Variants in CRTAC1 observed in about 807,000 individuals in gnomAD.
The protein encoded by CRTAC1 is cartilage acidic protein 1.
Under a neutral mutation model 67.8 loss-of-function variants are expected in CRTAC1, and 37 were observed. The observed-to-expected ratio is 0.55, with a 90% confidence interval of 0.42 to 0.72. The LOEUF (loss-of-function observed/expected upper bound fraction) is 0.72, where lower values mean the gene tolerates loss of function less well. CRTAC1 is among the 30% of genes least tolerant of loss of function. The pLI, the probability that CRTAC1 is intolerant of heterozygous loss-of-function variation, is 0.00. For synonymous variants in CRTAC1, 348 were observed against 371.0 expected, an observed-to-expected ratio of 0.94 and a Z score of 0.71; for missense variants, 780 against 931.6, an observed-to-expected ratio of 0.84 and a Z score of 2.12.
chr10:97,922,158 C>T (rs1427711607), intron 4 of CRTAC1, among the ~76,000 whole-genome samples: 2 of 152,176 alleles, frequency 1.3e-5, no homozygotes, highest in African/African-American at 4.8e-5. Flanking sequence ...CTCCACCCCA[C>T]ACTCTGGGGC....
chr10:97,934,033 T>A (rs1039558080), intron 3 of CRTAC1, among the ~76,000 whole-genome samples: 1 of 152,152 alleles, frequency 6.6e-6, no homozygotes, highest in Non-Finnish European at 1.5e-5. Flanking sequence ...GGCTGCTGCT[T>A]CAGAGATAGA....
At chr10:97,984,037 T>C (rs1190647367) in intron 2 of CRTAC1, among the ~76,000 whole-genome samples, 1 of 152,232 alleles carries the variant, frequency 6.6e-6, no homozygotes, top group Admixed American at 6.5e-5. Context: ...TTTCAGCCCA[T>C]CCTTGGGCAA....
rs569739796 is a variant in CRTAC1 at position 98,026,643 on chromosome 10, G to A, written c.24+3806C>T. On this transcript the variant is annotated intron_variant, in intron 1 of 14. Transcript: ENST00000370597. Reference sequence around the variant, plus strand: ...CGTGATCCTGCACCTCCCTCCTCCCGCTGAAGATGAAGCTCCAACTTCATC... The same window carrying A: ...CGTGATCCTGCACCTCCCTCCTCCCACTGAAGATGAAGCTCCAACTTCATC... 7.9e-5 allele frequency among the ~76,000 whole-genome samples: 12 copies of A among 152,154 alleles called. No individual in the cohort carries two copies. In the South Asian group the frequency reaches 1.5e-3, roughly 18 times the overall value.
chr10:97,925,670 TGA>T lies in CRTAC1; in HGVS notation c.422-2272_422-2271del, dbSNP rs1412028269. Among the ~76,000 whole-genome samples, 6 of 29,758 alleles carry T rather than the reference TGA, an allele frequency of 2.0e-4. No individual in the cohort carries two copies. In the South Asian group the frequency reaches 5.8e-3, roughly 29 times the overall value. 19.5% of individuals were successfully genotyped at this position (29,758 alleles called of 152,430 possible). A position where few individuals can be genotyped will look rare whatever the true frequency, so the allele number is the denominator to read the frequency against. ...ATGAGTGTGGGCATGAGTCAGAGTG[TGA>T]GAGGGGGGTGGGTGAGAGTGAGTGT... On this transcript the variant is annotated intron_variant, in intron 3 of 14. Transcript: ENST00000370597.
At chr10:97,981,601 C>T (rs2051892900) in intron 2 of CRTAC1, among the ~76,000 whole-genome samples, 1 of 152,164 alleles carries the variant, frequency 6.6e-6, no homozygotes, top group Non-Finnish European at 1.5e-5. Context: ...AATAGCCTTG[C>T]ACATAATTTT....
chr10:97,889,455 G>T (rs1236364076), intron 11 of CRTAC1, among the ~76,000 whole-genome samples: 1 of 140,772 alleles, frequency 7.1e-6, no homozygotes, highest in African/African-American at 2.5e-5. Flanking sequence ...GAACTTGGTG[G>T]GGGGGGGTCC....
At chr10:97,960,927 T>C (rs2051514898) in intron 2 of CRTAC1, among the ~76,000 whole-genome samples, 1 of 152,248 alleles carries the variant, frequency 6.6e-6, no homozygotes, top group South Asian at 2.1e-4. Context: ...GTCCTAAAAA[T>C]GTATAAGCCA....
chr10:98,024,006 G>A (rs1426244700), intron 1 of CRTAC1, among the ~76,000 whole-genome samples: 1 of 152,234 alleles, frequency 6.6e-6, no homozygotes, highest in East Asian at 1.9e-4. Flanking sequence ...CCCTTCCTAA[G>A]AGCTGTGTTA....
intron 1 of CRTAC1, among the ~76,000 whole-genome samples, chr10:98,017,791 C>T (rs1257220239): frequency 6.6e-6 from 1 of 151,614 alleles, no homozygotes; most frequent in African/African-American, 2.4e-5. Flanking sequence ...TCCACAGTGG[C>T]CTTCCAAAGT....
chr10:98,008,203 C>A (rs1343853858), intron 2 of CRTAC1, among the ~76,000 whole-genome samples: 1 of 152,208 alleles, frequency 6.6e-6, no homozygotes, highest in African/African-American at 2.4e-5. Context: ...CTGTTCTTCG[C>A]AGCTGAAAGA....
At chr10:98,008,753 C>A (rs917795620) in intron 2 of CRTAC1, among the ~76,000 whole-genome samples, 2 of 152,140 alleles carry the variant, frequency 1.3e-5, no homozygotes, top group African/African-American at 4.8e-5. Context: ...AGTATACCAT[C>A]TTCCAAGATG....
chr10:97,974,854 C>A (rs983250674), intron 2 of CRTAC1, among the ~76,000 whole-genome samples: 5 of 152,124 alleles, frequency 3.3e-5, no homozygotes, highest in African/African-American at 1.2e-4. Context: ...AAAGAGTCTG[C>A]GAGGCTGAAT....
chr10:97,903,035 C>T (rs530177306), intron 7 of CRTAC1, among the ~76,000 whole-genome samples: 24 of 151,662 alleles, frequency 1.6e-4, no homozygotes, highest in Non-Finnish European at 2.8e-4. Context: ...CCTGAGCTTC[C>T]GAGATAATGT....
intron 2 of CRTAC1, among the ~76,000 whole-genome samples, chr10:97,992,538 C>A (rs1291673944): frequency 6.6e-6 from 1 of 152,180 alleles, no homozygotes; most frequent in Non-Finnish European, 1.5e-5. Context: ...GATATGGAAT[C>A]AACCTAAGTG....
chr10:98,023,817 G>A (rs572224759), intron 1 of CRTAC1, among the ~76,000 whole-genome samples: 56 of 152,334 alleles, frequency 3.7e-4, no homozygotes, highest in Admixed American at 1.1e-3. Context: ...AGGGAGGGAT[G>A]TCACCTCAGT....
Position 97,882,801 on chromosome 10 carries a change from T to A in CRTAC1, c.1660A>T (p.Asn554Tyr). 1.9e-6 allele frequency: 3 copies of A among 1,614,198 alleles called. No homozygotes were observed. The highest frequency in any genetic ancestry group is 2.5e-6 in the Non-Finnish European group (3 of 1,180,032). ...ECGQGFSQQE[N>Y]GHCMDTNECI... ...GGCAACTCACCCATGCAATGGCCAT[T>A]TTCCTGCTGGGAGAATCCTTGGCCA... is the stretch of plus-strand genomic sequence containing the variant. Residue 554 changes from asparagine (N) to tyrosine (Y), a missense_variant, in exon 13 of 15, where the codon AAT becomes TAT. Physicochemically the swap from Asn to Tyr is moderately radical, Grantham distance 143 (BLOSUM62 -2). Coordinates refer to ENST00000370597, the MANE Select transcript of CRTAC1 (RefSeq NM_018058.7).
chr10:97,982,265 C>T (rs1216042440), intron 2 of CRTAC1, among the ~76,000 whole-genome samples: 2 of 152,220 alleles, frequency 1.3e-5, no homozygotes, highest in East Asian at 3.8e-4. Flanking sequence ...AGGCAGGAAT[C>T]TTTGATAATA....
At position 97,964,669 on chromosome 10, in the gene CRTAC1, C is replaced by T. The variant is rs754740720; in HGVS notation, c.225-28303G>A. Among the ~76,000 whole-genome samples, 94 of 152,206 alleles carry T rather than the reference C, an allele frequency of 6.2e-4. 2 individuals are homozygous for T. Among genetic ancestry groups the T allele is most frequent in the Non-Finnish European group, 5.7e-4 (39 of 68,024 alleles). On this transcript the variant is annotated intron_variant, in intron 2 of 14. Coordinates refer to ENST00000370597, the MANE Select transcript of CRTAC1 (RefSeq NM_018058.7). ...CACACAGTGCTGATGATGTTATTAACGCTGAATGTATTCGCCTGACCTTAT... is the reference window on the plus strand; with the variant it reads ...CACACAGTGCTGATGATGTTATTAATGCTGAATGTATTCGCCTGACCTTAT...
At chr10:97,926,224 A>T (rs2050915370) in intron 3 of CRTAC1, among the ~76,000 whole-genome samples, 1 of 152,126 alleles carries the variant, frequency 6.6e-6, no homozygotes, top group Non-Finnish European at 1.5e-5. Flanking sequence ...ACAGGGGGGA[A>T]ACTGAGTTGC....
Sources: allele counts gnomAD v4.1 joint callset (sites outside exome capture counted in the v4.1 genomes callset), GRCh38; gene constraint gnomAD v4.1.1; transcripts MANE v1.5; gene names NCBI Gene and HGNC (gene_info 2026-07-23, HGNC 2026-07-21).